BRINP3: variants seen among roughly 807,000 people sequenced by gnomAD.
BRINP3 encodes the protein BMP/retinoic acid inducible neural specific 3.
Under a neutral mutation model 71.0 loss-of-function variants are expected in BRINP3, and 19 were observed. The ratio of observed to expected loss-of-function variants is 0.27; its 90% CI spans 0.19 to 0.39. The LOEUF is 0.39. BRINP3 is among the 10% of genes least tolerant of loss of function. The probability of loss-of-function intolerance (pLI) is 1.00; values close to 1 mark genes in which losing one functional copy is unlikely to be tolerated. For missense variants in BRINP3, 959 were observed against 940.8 expected, an observed-to-expected ratio of 1.02 and a Z score of -0.25; for synonymous variants, 380 against 337.7, an observed-to-expected ratio of 1.13 and a Z score of -1.37.
At chr1:190,292,839 G>A (rs535555553) in intron 2 of BRINP3, among the ~76,000 whole-genome samples, 2 of 151,798 alleles carry the variant, frequency 1.3e-5, no homozygotes, top group South Asian at 4.2e-4. Flanking sequence ...TTAGCATATA[G>A]GAATTCATAG....
chr1:190,120,655 C>T lies in BRINP3; in HGVS notation c.1185-21521G>A, dbSNP rs541909873. ...GATTACAGGCACCAGCCACCACGCC[C>T]GGCTAATTTTTTTTTTTTTTTGTAT... is the stretch of plus-strand genomic sequence containing the variant. On this transcript the variant is annotated intron_variant, in intron 7 of 7. Coordinates refer to ENST00000367462, the MANE Select transcript of BRINP3 (RefSeq NM_199051.3). 1.3e-4 allele frequency among the ~76,000 whole-genome samples: 18 copies of T among 143,184 alleles called. No homozygotes were observed. The East Asian group carries it at 3.2e-3, about 26-fold the overall frequency. The allele number at this position is 143,184 out of a possible 152,430, so 93.9% of individuals were successfully genotyped here.
intron 2 of BRINP3, among the ~76,000 whole-genome samples, chr1:190,297,098 A>G (rs1021239833): frequency 1.3e-5 from 2 of 152,022 alleles, no homozygotes; most frequent in Admixed American, 6.6e-5. Context: ...AATAGATGAA[A>G]CAATATTAAA....
chr1:190,359,740 A>G (rs983360282), intron 2 of BRINP3, among the ~76,000 whole-genome samples: 4 of 152,092 alleles, frequency 2.6e-5, no homozygotes, highest in Non-Finnish European at 5.9e-5. Context: ...TATGTACTTC[A>G]TCCTCCTTTG....
rs1672222997 is a variant in BRINP3 at position 190,405,494 on chromosome 1, C to CAAAAAAAAAAAAAAAAAAAAAA, written c.236+49160_236+49161insTTTTTTTTTTTTTTTTTTTTTT. Among the ~76,000 whole-genome samples, 3 of 17,236 alleles carry CAAAAAAAAAAAAAAAAAAAAAA rather than the reference C, an allele frequency of 1.7e-4. 1 individual carries two copies. Among genetic ancestry groups the CAAAAAAAAAAAAAAAAAAAAAA allele is most frequent in the Non-Finnish European group, 3.3e-4 (3 of 8,964 alleles). The allele number at this position is 17,236 out of a possible 152,430, so 11.3% of individuals were successfully genotyped here. On this transcript the variant is annotated intron_variant, in intron 2 of 7. Transcript: ENST00000367462. ...AAAAAAAAAAAAAAAAAAAAAAAAC[C>CAAAAAAAAAAAAAAAAAAAAAA]AGAATCAGAAGCGTGACATATCATT...
intron 2 of BRINP3, among the ~76,000 whole-genome samples, chr1:190,451,359 T>C (rs918169128): frequency 1.3e-5 from 2 of 152,172 alleles, no homozygotes; most frequent in Non-Finnish European, 2.9e-5. Context: ...CTAGAGATCC[T>C]CTAATGTATT....
At chr1:190,469,026 A>G (rs1212601315) in intron 1 of BRINP3, among the ~76,000 whole-genome samples, 1 of 151,080 alleles carries the variant, frequency 6.6e-6, no homozygotes, top group Non-Finnish European at 1.5e-5. Context: ...AGAAATGAGT[A>G]TCTTATACAT....
intron 6 of BRINP3, among the ~76,000 whole-genome samples, chr1:190,196,126 G>T (rs1270690558): frequency 6.6e-6 from 1 of 152,108 alleles, no homozygotes; most frequent in Non-Finnish European, 1.5e-5. Context: ...TCACTATAAA[G>T]CAGACATTGC....
rs973662122 is a variant in BRINP3 at position 190,099,851 on chromosome 1, T to A, written c.1185-717A>T. On this transcript the variant is annotated intron_variant, in intron 7 of 7. Coordinates refer to ENST00000367462, the MANE Select transcript of BRINP3 (RefSeq NM_199051.3). ...GTGTGTTAGTTTAATGTGTTTGATT[T>A]GAGTCATTAACATTTTTTTTCTCAT... is the stretch of plus-strand genomic sequence containing the variant. 5.3e-5 allele frequency among the ~76,000 whole-genome samples: 8 copies of A among 152,338 alleles called. No individual in the cohort carries two copies. In the South Asian group the frequency reaches 1.2e-3, roughly 24 times the overall value.
chr1:190,436,398 A>G (rs1674455735), intron 2 of BRINP3, among the ~76,000 whole-genome samples: 1 of 151,836 alleles, frequency 6.6e-6, no homozygotes, highest in African/African-American at 2.4e-5. Flanking sequence ...CTTAAAATAT[A>G]TGTGGTCAAC....
rs564112448 is a variant in BRINP3, at chr1:190,428,168, G to A, written c.236+26487C>T. ...GGTTATGAGATATTGGCAATAAAGA[G>A]GAAGAGATTGAACTAGAAGGTATGC... On this transcript the variant is annotated intron_variant, in intron 2 of 7. Coordinates refer to ENST00000367462, the MANE Select transcript of BRINP3 (RefSeq NM_199051.3). Among the ~76,000 whole-genome samples, 58 of 151,540 alleles carry A rather than the reference G, an allele frequency of 3.8e-4. 3 individuals are homozygous for A. In the East Asian group the frequency reaches 0.01, roughly 27 times the overall value.
intron 7 of BRINP3, among the ~76,000 whole-genome samples, chr1:190,159,235 T>C (rs918393469): frequency 1.2e-4 from 19 of 152,224 alleles, no homozygotes; most frequent in South Asian, 6.2e-4. Context: ...TTGAAGATAA[T>C]GTGGAGAGAT....
intron 7 of BRINP3, among the ~76,000 whole-genome samples, chr1:190,134,232 G>A (rs1654785237): frequency 6.6e-6 from 1 of 152,040 alleles, no homozygotes; most frequent in Non-Finnish European, 1.5e-5. Flanking sequence ...AAAGCCAAAT[G>A]ATTAGAATTA....
intron 7 of BRINP3, among the ~76,000 whole-genome samples, chr1:190,100,054 A>C (rs1212330709): frequency 6.6e-6 from 1 of 152,174 alleles, no homozygotes; most frequent in African/African-American, 2.4e-5. Context: ...TCATGGGAAA[A>C]GTTGCACAGC....
chr1:190,309,327 A>G lies in BRINP3; in HGVS notation c.237-27577T>C, dbSNP rs138249285. On this transcript the variant is annotated intron_variant, in intron 2 of 7. Coordinates refer to ENST00000367462, the MANE Select transcript of BRINP3 (RefSeq NM_199051.3). The stretch of plus-strand genomic sequence containing the variant: ...GAAATGGAAAGTCATTTTTTAATAA[A>G]TAGATTTTCACATTTGAAGGTGAAC... Among the ~76,000 whole-genome samples, 827 of 152,018 alleles carry G rather than the reference A, an allele frequency of 5.4e-3. 5 individuals carry two copies. Among genetic ancestry groups the G allele is most frequent in the African/African-American group, 0.018 (757 of 41,528 alleles).
chr1:190,419,739 A>T (rs576637523), intron 2 of BRINP3, among the ~76,000 whole-genome samples: 72 of 151,710 alleles, frequency 4.7e-4, no homozygotes, highest in Non-Finnish European at 1.0e-3. Flanking sequence ...TAAGAAACAC[A>T]CAACACACAT....
At chr1:190,177,309 C>T (rs1652621464) in intron 6 of BRINP3, among the ~76,000 whole-genome samples, 1 of 149,660 alleles carries the variant, frequency 6.7e-6, no homozygotes, top group South Asian at 2.1e-4. Flanking sequence ...ACTACAGGCG[C>T]CCATTACCAT....
intron 2 of BRINP3, among the ~76,000 whole-genome samples, chr1:190,431,758 A>C (rs929829732): frequency 1.3e-5 from 2 of 152,198 alleles, no homozygotes; most frequent in Non-Finnish European, 2.9e-5. Flanking sequence ...CATGCTCAGA[A>C]ACCGTAGAAG....
intron 2 of BRINP3, among the ~76,000 whole-genome samples, chr1:190,304,252 A>G (rs1012641869): frequency 1.3e-5 from 2 of 151,856 alleles, no homozygotes; most frequent in African/African-American, 2.4e-5. Context: ...AATATCATGC[A>G]TTTACACTTT....
intron 2 of BRINP3, among the ~76,000 whole-genome samples, chr1:190,416,250 AT>A (rs1558267196): frequency 6.6e-6 from 1 of 152,160 alleles, no homozygotes; most frequent in African/African-American, 2.4e-5. Flanking sequence ...ATAAGACAGA[AT>A]TCTTAGCTCT....
Sources: gnomAD v4.1 joint callset for allele counts (sites outside exome capture counted in the v4.1 genomes callset) on GRCh38, gnomAD v4.1.1 for gene constraint, MANE v1.5 for transcripts, NCBI Gene and HGNC (gene_info 2026-07-23, HGNC 2026-07-21) for gene names.